Variants in RYK observed in about 807,000 individuals in gnomAD.
RYK encodes the protein receptor like tyrosine kinase.
A neutral mutation model predicts 70.2 loss-of-function variants in RYK; 21 were observed. The ratio of observed to expected loss-of-function variants is 0.30; its 90% CI spans 0.21 to 0.43. The LOEUF (loss-of-function observed/expected upper bound fraction) is 0.43. Among genes scored for constraint, RYK ranks in the 20% least tolerant of loss-of-function variants. RYK has a pLI of 1.00. For synonymous variants in RYK, 267 were observed against 278.0 expected (o/e 0.96, Z 0.39); for missense variants, 604 against 753.3 (o/e 0.80, Z 2.32).
intron 9 of RYK, among the ~76,000 whole-genome samples, chr3:134,185,404 G>A (rs943892195): frequency 5.3e-5 from 8 of 152,052 alleles, no homozygotes; most frequent in East Asian, 3.8e-4. Context: ...GCTTCACTTC[G>A]TCTTGCTTCA....
chr3:134,199,561 T>C (rs976408675), intron 6 of RYK, among the ~76,000 whole-genome samples: 4 of 152,220 alleles, frequency 2.6e-5, no homozygotes, highest in Non-Finnish European at 4.4e-5. Context: ...ACATATAAAG[T>C]ACCTGGGGTA....
At chr3:134,173,109 G>A (rs1478045606) in intron 13 of RYK, among the ~76,000 whole-genome samples, 1 of 152,008 alleles carries the variant, frequency 6.6e-6, no homozygotes, top group East Asian at 1.9e-4. Flanking sequence ...TATATAAAAT[G>A]AAAGACCTTG....
intron 13 of RYK, 23 bp downstream of exon 13, chr3:134,175,586 T>C: frequency 1.2e-6 from 2 of 1,601,840 alleles, no homozygotes; most frequent in Non-Finnish European, 1.7e-6. Context: ...ATTCTTTTGC[T>C]ATCTGGGGGT....
chr3:134,218,542 A>G (rs2014629788), intron 2 of RYK, among the ~76,000 whole-genome samples: 1 of 152,230 alleles, frequency 6.6e-6, no homozygotes, highest in South Asian at 2.1e-4. Flanking sequence ...ATTCAGGTAA[A>G]GAATGAAAAA....
chr3:134,235,651 T>C (rs2015181804), intron 1 of RYK, among the ~76,000 whole-genome samples: 1 of 152,112 alleles, frequency 6.6e-6, no homozygotes, highest in African/African-American at 2.4e-5. Flanking sequence ...TTGTTTCTAA[T>C]TACTATTAAT....
At chr3:134,207,443 A>G (rs988185367) in intron 5 of RYK, 29 bp downstream of exon 5, 2 of 1,426,546 alleles carry the variant, frequency 1.4e-6, no homozygotes, top group African/African-American at 2.9e-5. Flanking sequence ...ATTTCTAATA[A>G]TGGATAAAGA....
chr3:134,247,132 A>T (rs536156946), intron 1 of RYK, among the ~76,000 whole-genome samples: 2 of 152,380 alleles, frequency 1.3e-5, no homozygotes, highest in East Asian at 3.8e-4. Context: ...AAAAAAAATC[A>T]TAAGTCACTA....
Position 134,157,925 on chromosome 3 carries a change from T to C in RYK, c.*228A>G. On this transcript the variant is annotated 3_prime_UTR_variant, in exon 15 of 15. Transcript: ENST00000623711. ...GTTTTAAAAAATTTTGGCCAAAAAA[T>C]TTACAAAAACCCTTTCAGTTCAACC... The C allele has an allele frequency of 2.7e-6, 1 of 364,558 alleles. No individual in the cohort carries two copies. The allele number at this position is 364,558 out of a possible 1,614,324, so 22.6% of individuals were successfully genotyped here.
At chr3:134,187,319 A>T (rs2013496787) in intron 9 of RYK, among the ~76,000 whole-genome samples, 1 of 152,220 alleles carries the variant, frequency 6.6e-6, no homozygotes, top group Admixed American at 6.5e-5. Flanking sequence ...GTAAATTTAG[A>T]AACAGTTCTT....
chr3:134,241,362 AG>A (rs2015323749), intron 1 of RYK, among the ~76,000 whole-genome samples: 1 of 151,726 alleles, frequency 6.6e-6, no homozygotes, highest in Admixed American at 6.6e-5. Flanking sequence ...AAAAAAAAAA[AG>A]AAAGGTGACA....
intron 13 of RYK, among the ~76,000 whole-genome samples, chr3:134,163,766 GGAA>G (rs2012562022): frequency 1.3e-5 from 2 of 152,146 alleles, no homozygotes; most frequent in Non-Finnish European, 2.9e-5. Flanking sequence ...TGACCACAGT[GGAA>G]GCATCATCAG....
intron 6 of RYK, 138 bp from the exon 7 acceptor site, chr3:134,195,320 C>T: frequency 1.6e-6 from 1 of 618,758 alleles, no homozygotes; most frequent in Admixed American, 3.1e-5. Flanking sequence ...CATGATGTTC[C>T]AATACTGATA....
chr3:134,203,194 G>A (rs149522725), intron 5 of RYK, among the ~76,000 whole-genome samples: 3,600 of 152,130 alleles, frequency 0.024, 136 homozygotes, highest in African/African-American at 0.082. Flanking sequence ...CTAAAAGTAC[G>A]AAAATTAGCT....
intron 1 of RYK, among the ~76,000 whole-genome samples, chr3:134,235,301 T>C (rs1488369128): frequency 2.0e-5 from 3 of 150,046 alleles, no homozygotes; most frequent in East Asian, 2.2e-4. Context: ...GGTTAATATA[T>C]GGCATTTTTC....
At chr3:134,236,012 A>T (rs1320445016) in intron 1 of RYK, among the ~76,000 whole-genome samples, 1 of 152,056 alleles carries the variant, frequency 6.6e-6, no homozygotes, top group East Asian at 1.9e-4. Context: ...TTATTTGGGA[A>T]AAAAAAGAAA....
At chr3:134,163,979 C>T (rs1457481374) in intron 13 of RYK, among the ~76,000 whole-genome samples, 2 of 152,194 alleles carry the variant, frequency 1.3e-5, no homozygotes, top group African/African-American at 4.8e-5. Flanking sequence ...GCCTGGATCA[C>T]ATTATTTTAT....
chr3:134,163,160 A>G (rs953601984), intron 13 of RYK, among the ~76,000 whole-genome samples: 1 of 152,226 alleles, frequency 6.6e-6, no homozygotes, highest in Non-Finnish European at 1.5e-5. Flanking sequence ...CGCCATAAAA[A>G]AGAACAGTCA....
intron 1 of RYK, 45 bp from the exon 2 acceptor site, chr3:134,222,584 T>C: frequency 1.4e-6 from 2 of 1,408,372 alleles, no homozygotes; most frequent in Non-Finnish European, 2.0e-6. Flanking sequence ...TAAAATATTC[T>C]CAAAATCATC....
chr3:134,202,781 A>G lies in RYK; in HGVS notation c.737T>C (p.Ile246Thr). 2 of 1,613,468 alleles carry G rather than the reference A, an allele frequency of 1.2e-6. No homozygotes were observed. The highest frequency in any genetic ancestry group is 1.1e-5 in the South Asian group (1 of 91,042). The change falls in exon 6 of 15, where the codon ATA (isoleucine) becomes ACA (threonine). Residue 246 changes from isoleucine (I) to threonine (T), a missense_variant. Physicochemically the swap from Ile to Thr is moderately conservative, Grantham distance 89. This residue lies in a region of RYK where 466 missense variants were observed against 535.9 expected (regional missense o/e 0.87). Coordinates refer to ENST00000623711, the MANE Select transcript of RYK (RefSeq NM_002958.4). ...CCAVIFLVAI[I>T]LAVLHLHSMK... The stretch of plus-strand genomic sequence containing the variant: ...ACTATGAAGGTGCAAAACAGCTAAT[A>G]TTATTGCTACGAGAAATATTACTGC...
Sources: gnomAD v4.1 joint callset for allele counts (sites outside exome capture counted in the v4.1 genomes callset) on GRCh38, gnomAD v4.1.1 for gene constraint, gnomAD v4.1.1 regional missense constraint, MANE v1.5 for transcripts, NCBI Gene and HGNC (gene_info 2026-07-23, HGNC 2026-07-21) for gene names.